Variants in PSMD4 observed in about 807,000 individuals in gnomAD.
PSMD4 encodes the protein proteasome 26S subunit ubiquitin receptor, non-ATPase 4.
Under a neutral mutation model 39.7 loss-of-function variants are expected in PSMD4, and 5 were observed. That is an observed-to-expected ratio of 0.13 (90% CI 0.07 to 0.26). PSMD4 has a LOEUF of 0.26. Among genes scored for constraint, PSMD4 ranks in the 10% least tolerant of loss-of-function variants. The probability of loss-of-function intolerance (pLI) is 1.00; values close to 1 mark genes in which losing one functional copy is unlikely to be tolerated. For missense variants in PSMD4, 272 were observed against 486.1 expected (o/e 0.56, Z 4.14); for synonymous variants, 143 against 174.6 (o/e 0.82, Z 1.43).
intron 1 of PSMD4, among the ~76,000 whole-genome samples, chr1:151,258,109 C>T (rs1446275014): frequency 6.6e-6 from 1 of 151,322 alleles, no homozygotes; most frequent in East Asian, 2.0e-4. Context: ...CTGCAACCTC[C>T]ACCTCCCGGG....
At chr1:151,257,715 CTTT>C (rs71090149) in intron 1 of PSMD4, among the ~76,000 whole-genome samples, 1 of 88,718 alleles carries the variant, frequency 1.1e-5, no homozygotes, top group African/African-American at 4.7e-5. Context: ...ACCTGGCTTT[CTTT>C]TTTTTTTTTT....
At chr1:151,266,876 AAGG>A in intron 9 of PSMD4, 1 of 709,276 alleles carries the variant, frequency 1.4e-6, no homozygotes, top group Non-Finnish European at 2.6e-6. Flanking sequence ...GAAAAAGAAA[AAGG>A]AGAACTGGGT....
At chr1:151,256,418 C>G (rs1693171677) in intron 1 of PSMD4, among the ~76,000 whole-genome samples, 1 of 148,376 alleles carries the variant, frequency 6.7e-6, no homozygotes, top group South Asian at 2.1e-4. Context: ...GATGTCTGTT[C>G]ATGTCCTTTG....
chr1:151,260,324 A>C (rs926718257), intron 1 of PSMD4, among the ~76,000 whole-genome samples: 1 of 152,180 alleles, frequency 6.6e-6, no homozygotes, highest in Non-Finnish European at 1.5e-5. Flanking sequence ...ATTGATCCTT[A>C]CAGGAGCTTA....
At chr1:151,257,715 CTTTTTTT>C (rs71090149) in intron 1 of PSMD4, among the ~76,000 whole-genome samples, 3 of 88,718 alleles carry the variant, frequency 3.4e-5, no homozygotes, top group African/African-American at 9.4e-5. Context: ...ACCTGGCTTT[CTTTTTTT>C]TTTTTTTTTT....
intron 1 of PSMD4, among the ~76,000 whole-genome samples, chr1:151,256,370 AAT>A (rs1314877044): frequency 2.9e-5 from 4 of 139,342 alleles, no homozygotes; most frequent in East Asian, 4.2e-4. Context: ...TAATAAAATA[AAT>A]AAATAAATAA....
rs1262771717 is a variant in PSMD4 at position 151,262,027 on chromosome 1, T to C, written c.27-134T>C. The C allele has an allele frequency of 1.0e-5, 9 of 859,266 alleles. No individual in the cohort carries two copies. In the East Asian group the frequency reaches 1.6e-4, roughly 15 times the overall value. The allele number at this position is 859,266 out of a possible 1,614,324, so 53.2% of individuals were successfully genotyped here. Reference sequence around the variant, plus strand: ...ATGTGGGCTAAGGCTTGATCATCTGTATATTTAAAAAAGAAAAAAAGCTAC... The same window carrying C: ...ATGTGGGCTAAGGCTTGATCATCTGCATATTTAAAAAAGAAAAAAAGCTAC... On this transcript the variant is annotated intron_variant, in intron 1 of 9. Coordinates refer to ENST00000368884, the MANE Select transcript of PSMD4 (RefSeq NM_002810.4).
intron 1 of PSMD4, 147 bp downstream of exon 1, chr1:151,254,955 G>C (rs1693129931): frequency 2.9e-6 from 3 of 1,033,992 alleles, no homozygotes; most frequent in Non-Finnish European, 4.0e-6. Flanking sequence ...TGGACTCCCT[G>C]AGTCATCCCG....
At chr1:151,263,469 TAAAAA>T (rs1053727518) in intron 2 of PSMD4, among the ~76,000 whole-genome samples, 1 of 141,144 alleles carries the variant, frequency 7.1e-6, no homozygotes, top group Non-Finnish European at 1.6e-5. Flanking sequence ...TCTCAAAAAA[TAAAAA>T]AGAAGAATAG....
chr1:151,266,868 A>G (rs1166059541), intron 9 of PSMD4: 4 of 712,350 alleles, frequency 5.6e-6, no homozygotes, highest in East Asian at 5.6e-5. Context: ...GGGTCTGGGA[A>G]AAAGAAAAAG....
intron 1 of PSMD4, among the ~76,000 whole-genome samples, chr1:151,256,826 C>T (rs978472731): frequency 3.4e-5 from 5 of 147,518 alleles, no homozygotes; most frequent in Admixed American, 1.3e-4. Context: ...TTCGGCTCAC[C>T]GCAACCTCCG....
chr1:151,265,891 T>C (rs1431833215), intron 6 of PSMD4, 113 bp from the exon 7 acceptor site: 5 of 1,366,302 alleles, frequency 3.7e-6, no homozygotes, highest in Non-Finnish European at 4.9e-6. Flanking sequence ...CTTCTCTGTG[T>C]GATAAACCAG....
rs767706228 is a variant in PSMD4 at position 151,266,090 on chromosome 1, G to C, written c.741G>C (p.Gly247=). ...CTGCAGCTTCTGCTGCTGAGGCCGG[G>C]ATTGCTACGACTGGGACTGAAGGTG... ...RAAAASAAEA[G]IATTGTEDSD... Residue 247 remains glycine (G), a synonymous_variant, in exon 7 of 10, where the codon GGG becomes GGC. Coordinates refer to ENST00000368884, the MANE Select transcript of PSMD4 (RefSeq NM_002810.4). 6 of 1,606,804 alleles carry C rather than the reference G, an allele frequency of 3.7e-6. No individual in the cohort carries two copies. In the South Asian group the frequency reaches 5.6e-5, roughly 15 times the overall value.
At chr1:151,256,336 T>G (rs184959188) in intron 1 of PSMD4, among the ~76,000 whole-genome samples, 1,211 of 97,364 alleles carry the variant, frequency 0.012, 30 homozygotes, top group African/African-American at 0.044. Context: ...AGAGTGAGAC[T>G]CCCTCTCAAA....
intron 1 of PSMD4, 97 bp downstream of exon 1, chr1:151,254,905 G>C (rs983574446): frequency 1.1e-4 from 147 of 1,371,424 alleles, no homozygotes; most frequent in Middle Eastern, 2.6e-4. Flanking sequence ...AGGGGCTCAT[G>C]GGCGAGAGGC....
intron 1 of PSMD4, among the ~76,000 whole-genome samples, chr1:151,258,571 C>T (rs1693239115): frequency 1.3e-5 from 2 of 150,066 alleles, no homozygotes; most frequent in Admixed American, 1.3e-4. Flanking sequence ...AGTGATCCTC[C>T]TGCCTCAGCC....
At position 151,255,164 on chromosome 1, in the gene PSMD4, A is replaced by G. The variant is rs149081427; in HGVS notation, c.26+356A>G. On this transcript the variant is annotated intron_variant, in intron 1 of 9. Coordinates refer to ENST00000368884, the MANE Select transcript of PSMD4 (RefSeq NM_002810.4). The stretch of plus-strand genomic sequence containing the variant: ...CTCCTTTCTTTGCAAAATAACGTCT[A>G]TTAGGAAAATAGATTATTAATCCCT... Among the ~76,000 whole-genome samples the G allele has an allele frequency of 8.5e-5, 13 of 152,326 alleles. No individual in the cohort carries two copies. The East Asian group carries it at 9.6e-4, about 11-fold the overall frequency.
At chr1:151,263,879 C>A in intron 2 of PSMD4, 35 bp from the exon 3 acceptor site, 1 of 1,417,232 alleles carries the variant, frequency 7.1e-7, no homozygotes, top group Non-Finnish European at 9.8e-7. Flanking sequence ...CTTGTGCTGA[C>A]CTGAATTCAC....
chr1:151,262,450 T>C, intron 2 of PSMD4, 149 bp downstream of exon 2: 2 of 941,592 alleles, frequency 2.1e-6, no homozygotes, highest in Non-Finnish European at 3.3e-6. Flanking sequence ...AACTTGTTTT[T>C]TGTATTAACC....
Sources: allele counts gnomAD v4.1 joint callset (sites outside exome capture counted in the v4.1 genomes callset), GRCh38; gene constraint gnomAD v4.1.1; transcripts MANE v1.5; gene names NCBI Gene and HGNC (gene_info 2026-07-23, HGNC 2026-07-21).